CRACD: variants seen among roughly 807,000 people sequenced by gnomAD.
CRACD encodes capping protein inhibiting regulator of actin dynamics, also known as capping protein-inhibiting regulator of actin dynamics.
In CRACD, 56 loss-of-function variants were observed where a neutral mutation model predicts 106.8. The observed-to-expected ratio is 0.52, with a 90% confidence interval of 0.42 to 0.66. CRACD has a LOEUF of 0.66. Ranked by LOEUF, CRACD falls within the 30% of genes least tolerant of loss-of-function variation. CRACD has a pLI of 0.00. For missense variants in CRACD, 1,730 were observed against 1,623.2 expected, an observed-to-expected ratio of 1.07 and a Z score of -1.13; for synonymous variants, 754 against 670.8, an observed-to-expected ratio of 1.12 and a Z score of -1.92.
At chr4:56,270,469 T>C (rs968675080) in intron 2 of CRACD, among the ~76,000 whole-genome samples, 1 of 152,176 alleles carries the variant, frequency 6.6e-6, no homozygotes, top group Non-Finnish European at 1.5e-5. Context: ...GATTCCTCTA[T>C]GGATCTGGCC....
chr4:56,134,205 GAAA>G (rs67089674), intron 1 of CRACD, among the ~76,000 whole-genome samples: 1 of 138,302 alleles, frequency 7.2e-6, no homozygotes, highest in Admixed American at 7.1e-5. Context: ...GTCTCAAAAA[GAAA>G]AAAAAAAAGA....
chr4:56,052,539 T>C (rs1322237114), intron 1 of CRACD, among the ~76,000 whole-genome samples: 2 of 152,256 alleles, frequency 1.3e-5, no homozygotes, highest in African/African-American at 4.8e-5. Context: ...AAAAATAAGT[T>C]CTTAAACATT....
intron 1 of CRACD, among the ~76,000 whole-genome samples, chr4:56,147,874 C>T (rs1366022261): frequency 2.0e-5 from 3 of 152,046 alleles, no homozygotes; most frequent in African/African-American, 4.8e-5. Context: ...ATGATAAAGC[C>T]CTAATTGCTA....
intron 1 of CRACD, among the ~76,000 whole-genome samples, chr4:56,108,381 G>T (rs930258482): frequency 1.3e-5 from 2 of 152,170 alleles, no homozygotes; most frequent in Non-Finnish European, 1.5e-5. Flanking sequence ...GAAAACACCA[G>T]AAAAATTCAA....
At chr4:56,059,830 T>A (rs1159088111) in intron 1 of CRACD, among the ~76,000 whole-genome samples, 4 of 152,082 alleles carry the variant, frequency 2.6e-5, no homozygotes, top group African/African-American at 9.7e-5. Flanking sequence ...ATTACAGGCA[T>A]GCGCCACCAC....
intron 1 of CRACD, among the ~76,000 whole-genome samples, chr4:56,148,514 G>T (rs1374535609): frequency 6.6e-6 from 1 of 152,028 alleles, no homozygotes; most frequent in African/African-American, 2.4e-5. Flanking sequence ...GGCTGGTCTT[G>T]AACTCCTGGC....
At chr4:56,317,280 G>C (rs1437527409) in intron 8 of CRACD, among the ~76,000 whole-genome samples, 1 of 152,184 alleles carries the variant, frequency 6.6e-6, no homozygotes, top group Non-Finnish European at 1.5e-5. Flanking sequence ...CAGTGGAGCT[G>C]GTGTTGGGCA....
chr4:56,179,736 A>T (rs1736733425), intron 2 of CRACD, among the ~76,000 whole-genome samples: 1 of 152,100 alleles, frequency 6.6e-6, no homozygotes, highest in Admixed American at 6.5e-5. Flanking sequence ...TGTGGTTATC[A>T]CCCGGGTGCA....
At chr4:56,186,644 G>A (rs1460029101) in intron 2 of CRACD, among the ~76,000 whole-genome samples, 1 of 152,152 alleles carries the variant, frequency 6.6e-6, no homozygotes, top group Non-Finnish European at 1.5e-5. Flanking sequence ...TAAGCATACT[G>A]TTCAGGAGTT....
chr4:56,053,590 G>A (rs181917136), intron 1 of CRACD, among the ~76,000 whole-genome samples: 39 of 152,192 alleles, frequency 2.6e-4, no homozygotes, highest in African/African-American at 9.1e-4. Flanking sequence ...TTATATGTAG[G>A]AGTGTAACTC....
chr4:56,074,470 T>A (rs1046251256), intron 1 of CRACD, among the ~76,000 whole-genome samples: 4 of 152,216 alleles, frequency 2.6e-5, no homozygotes, highest in African/African-American at 9.6e-5. Context: ...AGTTCACTCA[T>A]AATTTGGCTC....
chr4:56,251,926 C>T (rs11932688), intron 2 of CRACD, among the ~76,000 whole-genome samples: 321 of 152,278 alleles, frequency 2.1e-3, no homozygotes, highest in African/African-American at 7.2e-3. Flanking sequence ...TTTTTTACTT[C>T]ATCCAGAGCA....
intron 4 of CRACD, among the ~76,000 whole-genome samples, chr4:56,306,734 C>T (rs369487346): frequency 1.6e-4 from 24 of 152,116 alleles, no homozygotes; most frequent in Admixed American, 2.0e-4. Flanking sequence ...TTTAATCTTC[C>T]GAATTTCTAC....
intron 4 of CRACD, among the ~76,000 whole-genome samples, chr4:56,306,420 G>T (rs7693930): frequency 5.9e-5 from 9 of 151,828 alleles, no homozygotes; most frequent in Admixed American, 1.3e-4. Context: ...CCTGAGCATG[G>T]GAGAATCATC....
intron 1 of CRACD, among the ~76,000 whole-genome samples, chr4:56,087,399 C>A (rs958104324): frequency 7.2e-5 from 11 of 152,170 alleles, no homozygotes; most frequent in African/African-American, 2.7e-4. Context: ...GTTGCAGAGA[C>A]ACTGTTGGCC....
At position 56,314,323 on chromosome 4, in the gene CRACD, G is replaced by A. The variant is rs1232605478; in HGVS notation, c.821G>A (p.Gly274Asp). Residue 274 changes from glycine (G) to aspartate (D), a missense_variant, in exon 8 of 11, where the codon GGC becomes GAC. Gly to Asp is a moderately conservative substitution (Grantham distance 94). Around this residue, in one of 5 missense-constraint regions of CRACD, gnomAD observed 1,620 missense variants for 1,481.6 expected, o/e 1.09. Coordinates refer to ENST00000682029, the MANE Select transcript of CRACD (RefSeq NM_001393381.1). This position sits in a 1 kb window ranked among gnomAD's most constrained non-coding sequence, Gnocchi z 4.4. ...NRRQELLEEE[G>D]EGQEPPLEAE... Reference sequence around the variant, plus strand: ...AGGCAGGAGCTCTTGGAGGAGGAGGGCGAGGGGCAGGAGCCGCCTCTAGAG... The same window carrying A: ...AGGCAGGAGCTCTTGGAGGAGGAGGACGAGGGGCAGGAGCCGCCTCTAGAG... 6.4e-7 allele frequency: 1 copy of A among 1,551,422 alleles called. No individual in the cohort carries two copies. Among genetic ancestry groups the A allele is most frequent in the East Asian group, 2.4e-5 (1 of 41,018 alleles).
Position 56,315,713 on chromosome 4 carries a change from A to T in CRACD, c.2211A>T (p.Lys737Asn). The T allele has an allele frequency of 6.2e-7, 1 of 1,614,206 alleles. No individual in the cohort carries two copies. The highest frequency in any genetic ancestry group is 1.1e-5 in the South Asian group (1 of 91,088). Reference sequence around the variant, plus strand: ...CCGATGGTGGCACGGAGACCTCCAAACAGAGCACGGAAGCTGAAAGCATAC... The same window carrying T: ...CCGATGGTGGCACGGAGACCTCCAATCAGAGCACGGAAGCTGAAAGCATAC... ...KFSDGGTETS[K>N]QSTEAESIRK... is the part of the protein sequence containing the mutation. The change falls in exon 8 of 11, where the codon AAA becomes AAT. Residue 737 changes from lysine to asparagine, a missense_variant. Transcript: ENST00000682029. The surrounding 1 kb of genome is among the most constrained non-coding windows in gnomAD (Gnocchi z 4.1).
chr4:56,216,498 A>C (rs757386593), intron 2 of CRACD, among the ~76,000 whole-genome samples: 26 of 152,132 alleles, frequency 1.7e-4, no homozygotes, highest in Non-Finnish European at 3.5e-4. Context: ...CATCGGTTGG[A>C]ATCATAGTCC....
intron 1 of CRACD, among the ~76,000 whole-genome samples, chr4:56,112,596 G>C (rs887362541): frequency 1.3e-5 from 2 of 152,032 alleles, no homozygotes; most frequent in African/African-American, 4.8e-5. Context: ...TTCATCCCTC[G>C]GCTCCCCCTG....
Sources: gnomAD v4.1 joint callset for allele counts (sites outside exome capture counted in the v4.1 genomes callset) on GRCh38, gnomAD v4.1.1 for gene constraint, gnomAD v4.1.1 regional missense constraint, Gnocchi (gnomAD v3.1) non-coding constraint, MANE v1.5 for transcripts, NCBI Gene and HGNC (gene_info 2026-07-23, HGNC 2026-07-21) for gene names.